SGCD: variants seen among roughly 807,000 people sequenced by gnomAD.
SGCD encodes delta-sarcoglycan.
In SGCD, 18 loss-of-function variants were observed where a neutral mutation model predicts 36.6. That is an observed-to-expected ratio of 0.49 (90% CI 0.34 to 0.73). The LOEUF (loss-of-function observed/expected upper bound fraction) is 0.73. SGCD is among the 30% of genes least tolerant of loss of function. SGCD has a pLI of 0.01. For missense variants in SGCD, 387 were observed against 346.7 expected, an observed-to-expected ratio of 1.12 and a Z score of -0.92; for synonymous variants, 133 against 130.6, an observed-to-expected ratio of 1.02 and a Z score of -0.12.
the SGCD span, among the ~76,000 whole-genome samples, chr5:155,780,936 C>A: frequency 1.3e-5 from 2 of 152,186 alleles, no homozygotes; most frequent in African/African-American, 4.8e-5. Context: ...ACACCACTGA[C>A]TTGGTCATTC....
chr5:156,056,488 A>C (rs144662964), intron 1 of SGCD, among the ~76,000 whole-genome samples: 2,564 of 144,174 alleles, frequency 0.018, 381 homozygotes, highest in Non-Finnish European at 0.027. Flanking sequence ...GCACCAGCTG[A>C]TGCTACCCCA....
chr5:156,563,260 G>A (rs1262738145), intron 4 of SGCD, among the ~76,000 whole-genome samples: 1 of 152,190 alleles, frequency 6.6e-6, no homozygotes, highest in Non-Finnish European at 1.5e-5. Flanking sequence ...GGGATTACAG[G>A]CGTGAGACAC....
the SGCD span, among the ~76,000 whole-genome samples, chr5:155,805,988 A>G: frequency 0.081 from 12,339 of 152,240 alleles, 652 homozygotes; most frequent in South Asian, 0.12. Context: ...AGCAGCTAAG[A>G]TGGGGAGGAG....
chr5:156,166,420 C>T (rs1763216004), intron 3 of SGCD, among the ~76,000 whole-genome samples: 1 of 152,274 alleles, frequency 6.6e-6, no homozygotes, highest in South Asian at 2.1e-4. Context: ...GGGTTCACGT[C>T]ATTCTCCCAC....
chr5:156,517,195 C>T (rs1396659218), intron 4 of SGCD, among the ~76,000 whole-genome samples: 3 of 151,980 alleles, frequency 2.0e-5, no homozygotes, highest in Non-Finnish European at 4.4e-5. Flanking sequence ...CACAATGCAG[C>T]CACAAGTATC....
chr5:155,859,294 TGGGC>T, the SGCD span, among the ~76,000 whole-genome samples: 1 of 152,058 alleles, frequency 6.6e-6, no homozygotes, highest in African/African-American at 2.4e-5. Flanking sequence ...CTCAAACTCC[TGGGC>T]TCAAGTGATT....
At chr5:156,650,881 G>C (rs578092201) in intron 7 of SGCD, among the ~76,000 whole-genome samples, 1 of 151,932 alleles carries the variant, frequency 6.6e-6, no homozygotes, top group Non-Finnish European at 1.5e-5. Context: ...TAGTAATTGC[G>C]TTGTCAGTTC....
intron 3 of SGCD, among the ~76,000 whole-genome samples, chr5:156,311,227 A>G (rs1050152886): frequency 7.9e-5 from 12 of 152,140 alleles, no homozygotes; most frequent in African/African-American, 2.9e-4. Context: ...GCTTGAGACT[A>G]GATTCCCTGC....
chr5:156,471,692 C>T (rs1581040944), intron 3 of SGCD, among the ~76,000 whole-genome samples: 1 of 152,006 alleles, frequency 6.6e-6, no homozygotes, highest in South Asian at 2.1e-4. Flanking sequence ...AACTATTAAA[C>T]TGCTAGAAGA....
At chr5:156,624,755 C>T (rs1177610888) in intron 6 of SGCD, among the ~76,000 whole-genome samples, 6 of 152,052 alleles carry the variant, frequency 3.9e-5, no homozygotes, top group Non-Finnish European at 7.4e-5. Context: ...TCATTCTCTC[C>T]TCATCCTTTT....
At chr5:155,870,997 G>A (rs745479005) in intron 1 of SGCD, among the ~76,000 whole-genome samples, 29 of 152,028 alleles carry the variant, frequency 1.9e-4, no homozygotes, top group Admixed American at 3.3e-4. Context: ...ATTCTTAGCA[G>A]GGAATAAAGG....
intron 3 of SGCD, among the ~76,000 whole-genome samples, chr5:156,465,491 T>C (rs142300385): frequency 2.6e-5 from 4 of 152,320 alleles, no homozygotes; most frequent in Admixed American, 6.5e-5. Flanking sequence ...AATTTCTTTT[T>C]AGACATCTCC....
At chr5:156,736,741 A>C (rs1386959893) in intron 7 of SGCD, among the ~76,000 whole-genome samples, 1 of 152,106 alleles carries the variant, frequency 6.6e-6, no homozygotes, top group Non-Finnish European at 1.5e-5. Context: ...TGTATTGAGA[A>C]CTCGCGGGAC....
At chr5:156,331,999 C>T (rs1768087946) in intron 2 of SGCD, among the ~76,000 whole-genome samples, 1 of 152,168 alleles carries the variant, frequency 6.6e-6, no homozygotes, top group Non-Finnish European at 1.5e-5. Flanking sequence ...TTGCAAGTTT[C>T]TTTTCTCTTT....
intron 3 of SGCD, among the ~76,000 whole-genome samples, chr5:156,229,243 T>C (rs1217627542): frequency 2.2e-5 from 3 of 134,134 alleles, no homozygotes; most frequent in East Asian, 2.0e-4. Context: ...TACATACATA[T>C]ATATATATAC....
intron 1 of SGCD, among the ~76,000 whole-genome samples, chr5:156,086,016 A>G (rs1204450843): frequency 6.6e-6 from 1 of 152,106 alleles, no homozygotes. Context: ...CTTTACTTAT[A>G]CTGTGTTTGG....
intron 3 of SGCD, among the ~76,000 whole-genome samples, chr5:156,480,324 C>G (rs532453001): frequency 6.6e-6 from 1 of 152,176 alleles, no homozygotes; most frequent in Non-Finnish European, 1.5e-5. Context: ...TGCTCTGTTT[C>G]GTTGGATTCT....
intron 3 of SGCD, among the ~76,000 whole-genome samples, chr5:156,307,558 T>G (rs59419084): frequency 0.012 from 1,034 of 86,768 alleles, 24 homozygotes; most frequent in African/African-American, 0.062. Context: ...AACTGTTGTT[T>G]TTTTTTTTTT....
At chr5:155,733,203 G>A in the SGCD span, among the ~76,000 whole-genome samples, 1 of 151,938 alleles carries the variant, frequency 6.6e-6, no homozygotes, top group Non-Finnish European at 1.5e-5. Flanking sequence ...ATGTAGCTGT[G>A]GTGTAAGAAA....
Sources: gnomAD v4.1 joint callset for allele counts (sites outside exome capture counted in the v4.1 genomes callset) on GRCh38, gnomAD v4.1.1 for gene constraint, MANE v1.5 for transcripts, NCBI Gene and HGNC (gene_info 2026-07-23, HGNC 2026-07-21) for gene names.